Variants in LINGO2 observed in about 807,000 individuals in gnomAD.
LINGO2 encodes leucine-rich repeat and immunoglobulin-like domain-containing nogo receptor-interacting protein 2.
Under a neutral mutation model 30.6 loss-of-function variants are expected in LINGO2, and 14 were observed. The observed-to-expected ratio is 0.46, with a 90% confidence interval of 0.30 to 0.72. The LOEUF (loss-of-function observed/expected upper bound fraction) is 0.72, where lower values mean the gene tolerates loss of function less well. LINGO2 is among the 30% of genes least tolerant of loss of function. The pLI, the probability that LINGO2 is intolerant of heterozygous loss-of-function variation, is 0.07. For synonymous variants in LINGO2, 317 were observed against 288.5 expected (o/e 1.10, Z -1.00); for missense variants, 729 against 751.7 (o/e 0.97, Z 0.35).
the LINGO2 span, among the ~76,000 whole-genome samples, chr9:29,078,185 A>G: frequency 6.6e-6 from 1 of 151,996 alleles, no homozygotes; most frequent in Non-Finnish European, 1.5e-5. Context: ...CAGCAATTAG[A>G]GAGAACCTGT....
At chr9:28,567,933 A>G (rs1247584042) in intron 1 of LINGO2, among the ~76,000 whole-genome samples, 1 of 152,102 alleles carries the variant, frequency 6.6e-6, no homozygotes, top group African/African-American at 2.4e-5. Flanking sequence ...GCTATTTTAC[A>G]GTCAGTTCGA....
chr9:28,266,636 C>T (rs1404253146), intron 4 of LINGO2, among the ~76,000 whole-genome samples: 1 of 151,884 alleles, frequency 6.6e-6, no homozygotes, highest in African/African-American at 2.4e-5. Flanking sequence ...CATTTTTTTC[C>T]TAATATCGAA....
At chr9:28,123,316 T>A (rs1011902487) in intron 4 of LINGO2, among the ~76,000 whole-genome samples, 1 of 152,188 alleles carries the variant, frequency 6.6e-6, no homozygotes, top group African/African-American at 2.4e-5. Flanking sequence ...AAATAGAGCA[T>A]ATACTTAGAT....
chr9:28,137,640 G>C (rs1037126693), intron 4 of LINGO2, among the ~76,000 whole-genome samples: 73 of 152,012 alleles, frequency 4.8e-4, no homozygotes, highest in African/African-American at 1.7e-3. Flanking sequence ...ATGAAAAAGT[G>C]AATATGTATT....
chr9:28,039,158 A>T (rs1467969951), intron 4 of LINGO2, among the ~76,000 whole-genome samples: 2 of 152,172 alleles, frequency 1.3e-5, no homozygotes, highest in African/African-American at 4.8e-5. Flanking sequence ...CCAAATTGAA[A>T]AACAAGTATA....
chr9:28,226,175 A>C (rs1347046094), intron 4 of LINGO2, among the ~76,000 whole-genome samples: 1 of 152,190 alleles, frequency 6.6e-6, no homozygotes, highest in Non-Finnish European at 1.5e-5. Flanking sequence ...TGTATCCAAA[A>C]TAATTTCATC....
the LINGO2 span, among the ~76,000 whole-genome samples, chr9:29,040,114 C>A: frequency 3.3e-5 from 5 of 152,040 alleles, no homozygotes; most frequent in African/African-American, 1.2e-4. Flanking sequence ...ATGGCTTCAA[C>A]TGTATATGAT....
chr9:28,346,554 A>G (rs543551395), intron 3 of LINGO2, among the ~76,000 whole-genome samples: 3 of 152,342 alleles, frequency 2.0e-5, no homozygotes, highest in Non-Finnish European at 4.4e-5. Context: ...GTACATATCC[A>G]GTAATAAGAT....
the LINGO2 span, among the ~76,000 whole-genome samples, chr9:28,899,855 C>T: frequency 6.6e-6 from 1 of 152,308 alleles, no homozygotes; most frequent in African/African-American, 2.4e-5. Context: ...ACCCCTGTGG[C>T]TCCATGCTCT....
intron 4 of LINGO2, among the ~76,000 whole-genome samples, chr9:28,123,148 T>C (rs1284274888): frequency 1.3e-5 from 2 of 152,176 alleles, no homozygotes; most frequent in South Asian, 2.1e-4. Flanking sequence ...TGAATAACGG[T>C]GAATGGAGAA....
chr9:28,240,290 T>C (rs1246808164), intron 4 of LINGO2, among the ~76,000 whole-genome samples: 1 of 152,128 alleles, frequency 6.6e-6, no homozygotes, highest in Non-Finnish European at 1.5e-5. Context: ...CTAAAATTGA[T>C]ATGACATCAC....
the LINGO2 span, among the ~76,000 whole-genome samples, chr9:28,900,961 G>T: frequency 3.9e-5 from 6 of 151,984 alleles, no homozygotes; most frequent in African/African-American, 1.4e-4. Context: ...TATTAAAATT[G>T]TTTTAAAAAA....
chr9:28,865,355 C>T, the LINGO2 span, among the ~76,000 whole-genome samples: 221 of 152,236 alleles, frequency 1.5e-3, no homozygotes, highest in Non-Finnish European at 2.4e-3. Context: ...GGTCCTCCAG[C>T]TCTTCATCAA....
intron 2 of LINGO2, among the ~76,000 whole-genome samples, chr9:28,431,766 T>G (rs551622834): frequency 5.8e-4 from 89 of 152,258 alleles, no homozygotes; most frequent in Non-Finnish European, 5.1e-4. Context: ...TAAACAGAAG[T>G]TCAATTATCT....
the LINGO2 span, among the ~76,000 whole-genome samples, chr9:28,911,184 A>G: frequency 5.2e-4 from 79 of 152,206 alleles, no homozygotes; most frequent in East Asian, 0.013. Context: ...TAAAGCATAT[A>G]AGAGGTAACA....
chr9:27,990,969 C>G (rs1049564359), intron 5 of LINGO2, among the ~76,000 whole-genome samples: 1 of 152,022 alleles, frequency 6.6e-6, no homozygotes, highest in African/African-American at 2.4e-5. Flanking sequence ...TAAACAGCCA[C>G]TTTCCACGGG....
At chr9:29,026,041 TC>T in the LINGO2 span, among the ~76,000 whole-genome samples, 76 of 152,252 alleles carry the variant, frequency 5.0e-4, no homozygotes, top group African/African-American at 1.7e-3. Context: ...TTTTTTCTTT[TC>T]TTTTTTTTGG....
intron 4 of LINGO2, among the ~76,000 whole-genome samples, chr9:28,035,703 G>T (rs1484638840): frequency 6.6e-6 from 1 of 152,170 alleles, no homozygotes; most frequent in Non-Finnish European, 1.5e-5. Flanking sequence ...GAATTGAAGT[G>T]AAATACATCT....
chr9:28,719,669 AT>A, the LINGO2 span, among the ~76,000 whole-genome samples: 1 of 151,840 alleles, frequency 6.6e-6, no homozygotes, highest in Non-Finnish European at 1.5e-5. Context: ...TCTTCTTCTC[AT>A]TATACACTTC....
Sources: allele counts gnomAD v4.1 joint callset (sites outside exome capture counted in the v4.1 genomes callset), GRCh38; gene constraint gnomAD v4.1.1; transcripts MANE v1.5; gene names NCBI Gene and HGNC (gene_info 2026-07-23, HGNC 2026-07-21).